The following SYNE2 variants were observed in gnomAD, a reference collection of about 807,000 sequenced individuals.
The protein encoded by SYNE2 is nesprin-2.
Under a neutral mutation model 856.3 loss-of-function variants are expected in SYNE2, and 431 were observed. The ratio of observed to expected loss-of-function variants is 0.50; its 90% confidence interval spans 0.47 to 0.55. The LOEUF (loss-of-function observed/expected upper bound fraction) is 0.55, where lower values mean the gene tolerates loss of function less well. SYNE2 is among the 20% of genes least tolerant of loss of function. The pLI is 0.00. For synonymous variants in SYNE2, 2,923 were observed against 2,872.3 expected (o/e 1.02, Z -0.56); for missense variants, 8,129 against 8,023.2 (o/e 1.01, Z -0.50).
chr14:63,805,536 C>G (rs1461196848), intron 1 of SYNE2, among the ~76,000 whole-genome samples: 5 of 152,116 alleles, frequency 3.3e-5, no homozygotes, highest in African/African-American at 1.2e-4. Context: ...TACAGGCGCC[C>G]GCCACCACGC....
At chr14:63,779,877 A>C (rs1473237137) in intron 1 of SYNE2, among the ~76,000 whole-genome samples, 1 of 152,138 alleles carries the variant, frequency 6.6e-6, no homozygotes, top group Non-Finnish European at 1.5e-5. Context: ...GGAGATGGGC[A>C]GAGTTTGCAG....
At chr14:63,788,881 A>G (rs1197777153) in intron 1 of SYNE2, among the ~76,000 whole-genome samples, 3 of 152,230 alleles carry the variant, frequency 2.0e-5, no homozygotes, top group Non-Finnish European at 2.9e-5. Context: ...AAGAAAGGAA[A>G]TAAGTGTATC....
chr14:64,010,733 C>G (rs957244017), intron 32 of SYNE2, among the ~76,000 whole-genome samples: 1 of 152,132 alleles, frequency 6.6e-6, no homozygotes, highest in Non-Finnish European at 1.5e-5. Context: ...CCTCCCCTCC[C>G]CTCTCTGTGA....
At chr14:64,179,606 T>C (rs562428227) in intron 96 of SYNE2, among the ~76,000 whole-genome samples, 60 of 152,382 alleles carry the variant, frequency 3.9e-4, no homozygotes, top group Non-Finnish European at 7.1e-4. Flanking sequence ...AAACTTTTGC[T>C]AATCCAGCAG....
At chr14:64,206,585 G>A (rs568380626) in intron 100 of SYNE2, among the ~76,000 whole-genome samples, 3 of 149,774 alleles carry the variant, frequency 2.0e-5, no homozygotes. Flanking sequence ...TAACCAAGAT[G>A]TTGATGGTCT....
chr14:64,056,309 T>C lies in SYNE2; in HGVS notation c.10067+43T>C, dbSNP rs546090041. ...GGTAATCTTTAAGAACATAAAATAT[T>C]GTTTCAAGATATAATTAAACTATAT... On this transcript the variant is annotated intron_variant, in intron 49 of 115. Coordinates refer to ENST00000555002, the MANE Select transcript of SYNE2 (RefSeq NM_182914.3). 4 of 1,519,718 alleles carry C rather than the reference T, an allele frequency of 2.6e-6. No individual in the cohort carries two copies. In the Admixed American group the frequency reaches 5.3e-5, roughly 20 times the overall value. The allele number at this position is 1,519,718 out of a possible 1,614,324, so 94.1% of individuals were successfully genotyped here. A position where few individuals can be genotyped will look rare whatever the true frequency, so the allele number is the denominator to read the frequency against.
intron 11 of SYNE2, among the ~76,000 whole-genome samples, chr14:63,972,968 A>G (rs1279528802): frequency 6.6e-6 from 1 of 152,216 alleles, no homozygotes; most frequent in Admixed American, 6.5e-5. Flanking sequence ...AAAAGTCACA[A>G]AAATGGCTGG....
At chr14:64,073,921 A>T (rs762045923) in intron 52 of SYNE2, 47 bp from the exon 53 acceptor site, 10 of 1,585,954 alleles carry the variant, frequency 6.3e-6, no homozygotes, top group Non-Finnish European at 8.6e-6. Context: ...TTTTATTCAT[A>T]GAAGAGCAGG....
Position 64,128,533 on chromosome 14 carries a change from A to C in SYNE2, c.13999A>C (p.Ser4667Arg). 6.2e-7 allele frequency: 1 copy of C among 1,608,304 alleles called. No individual in the cohort carries two copies. Among genetic ancestry groups the C allele is most frequent in the South Asian group, 1.1e-5 (1 of 90,980 alleles). The change falls in exon 74 of 116, where the codon AGT (serine) becomes CGT (arginine). Residue 4667 changes from serine to arginine, a missense_variant. Ser to Arg is a moderately radical substitution (Grantham distance 110). Transcript: ENST00000555002. ...GTCTTTGAATGAAATCAGTGGGCAG[A>C]GTGTTGCTGAACAGCTTCAGGTAAT... ...QQSLNEISGQ[S>R]VAEQLQKADA...
Position 64,053,111 on chromosome 14 carries a change from T to G in SYNE2, c.9198T>G (p.Thr3066=). 3 of 1,614,034 alleles carry G rather than the reference T, an allele frequency of 1.9e-6. No homozygotes were observed. The South Asian group carries it at 3.3e-5, about 18-fold the overall frequency. The change falls in exon 48 of 116, where the codon ACT becomes ACG. Residue 3066 remains threonine, a synonymous_variant. Transcript: ENST00000555002. ...TTGATTTGCAAATTAAGAAAATGAC[T>G]GAAGTAGTACTAAAAGCTCCTGATA... ...RAIDLQIKKM[T]EVVLKAPDSS...
intron 1 of SYNE2, among the ~76,000 whole-genome samples, chr14:63,846,597 G>A (rs979619708): frequency 6.7e-5 from 10 of 149,682 alleles, no homozygotes; most frequent in African/African-American, 2.5e-4. Flanking sequence ...TTTTTTGTTT[G>A]TTTGTTTGTT....
chr14:64,171,238 T>G (rs113339229), intron 94 of SYNE2, among the ~76,000 whole-genome samples: 3 of 152,216 alleles, frequency 2.0e-5, no homozygotes, highest in African/African-American at 7.2e-5. Flanking sequence ...GAGAAGCCTC[T>G]CAACAAACAC....
chr14:63,770,176 A>G (rs1299042208), intron 1 of SYNE2, among the ~76,000 whole-genome samples: 3 of 152,118 alleles, frequency 2.0e-5, no homozygotes, highest in Non-Finnish European at 2.9e-5. Flanking sequence ...ATGATGTCTT[A>G]TTGTACATAG....
intron 8 of SYNE2, among the ~76,000 whole-genome samples, chr14:63,959,794 A>C (rs1196185628): frequency 3.3e-5 from 5 of 151,202 alleles, no homozygotes; most frequent in Admixed American, 2.6e-4. Context: ...GTTTCTGATG[A>C]CTGTTTTAAA....
intron 64 of SYNE2, among the ~76,000 whole-genome samples, chr14:64,106,404 C>T (rs1030547490): frequency 6.6e-6 from 1 of 152,172 alleles, no homozygotes; most frequent in East Asian, 1.9e-4. Flanking sequence ...AATCCCAGCA[C>T]TTTGGGAGGC....
chr14:63,901,297 G>A (rs1322524678), intron 1 of SYNE2, among the ~76,000 whole-genome samples: 5 of 152,124 alleles, frequency 3.3e-5, no homozygotes, highest in Non-Finnish European at 5.9e-5. Flanking sequence ...AGACATAGAT[G>A]TACAGGTTCT....
intron 6 of SYNE2, among the ~76,000 whole-genome samples, chr14:63,948,172 C>CACACAG (rs1245468782): frequency 2.2e-5 from 1 of 46,290 alleles, no homozygotes; most frequent in Non-Finnish European, 7.0e-5. Flanking sequence ...CACATACACA[C>CACACAG]ACACACACAC....
intron 70 of SYNE2, among the ~76,000 whole-genome samples, chr14:64,123,536 C>T (rs551656948): frequency 8.5e-5 from 13 of 152,296 alleles, no homozygotes; most frequent in Admixed American, 5.9e-4. Context: ...TACACTGTAA[C>T]GTGTACATAG....
chr14:64,183,298 C>CTGCAGTCTCG (rs2098470271), intron 96 of SYNE2, among the ~76,000 whole-genome samples: 1 of 149,700 alleles, frequency 6.7e-6, no homozygotes, highest in African/African-American at 2.5e-5. Flanking sequence ...CGGGCAGAGG[C>CTGCAGTCTCG]GCTCCTCCCA....
Sources: gnomAD v4.1 joint callset for allele counts (sites outside exome capture counted in the v4.1 genomes callset) on GRCh38, gnomAD v4.1.1 for gene constraint, MANE v1.5 for transcripts, NCBI Gene and HGNC (gene_info 2026-07-23, HGNC 2026-07-21) for gene names.